Variants in ZBTB45 observed in about 807,000 individuals in gnomAD.
The protein encoded by ZBTB45 is zinc finger and BTB domain containing 45.
A neutral mutation model predicts 28.4 loss-of-function variants in ZBTB45; 22 were observed. The ratio of observed to expected loss-of-function variants is 0.77; its 90% CI spans 0.55 to 1.10. The LOEUF is 1.10. ZBTB45 is among the 50% of genes least tolerant of loss of function. The probability of loss-of-function intolerance (pLI) is 0.00; values close to 1 mark genes in which losing one functional copy is unlikely to be tolerated. For missense variants in ZBTB45, 656 were observed against 750.2 expected (o/e 0.87, Z 1.47); for synonymous variants, 361 against 332.3 (o/e 1.09, Z -0.94).
Position 58,514,255 on chromosome 19 carries a change from G to C in ZBTB45, c.1335C>G (p.Tyr445Ter). 6.2e-7 allele frequency: 1 copy of C among 1,611,744 alleles called. No individual in the cohort carries two copies. The highest frequency in any genetic ancestry group is 8.5e-7 in the Non-Finnish European group (1 of 1,179,046). Residue 445 changes from tyrosine to a stop codon, truncating the protein, a stop_gained, in exon 3 of 3, where the codon TAC (tyrosine) becomes TAG (stop). Coordinates refer to ENST00000594051, the MANE Select transcript of ZBTB45 (RefSeq NM_001316979.2). LOFTEE classifies it high-confidence loss of function. ...TGTGCGTGACCATGTGTTTGAGCAG[G>C]TAGTCGCGTAGAGAGAAGGATCGCC... The part of the protein sequence containing the change: ...VCWRSFSLRD[Y>*]LLKHMVTHTG...
chr19:58,530,209 GCACACA>G (rs111340524), intron 1 of ZBTB45, among the ~76,000 whole-genome samples: 4 of 148,616 alleles, frequency 2.7e-5, no homozygotes, highest in South Asian at 4.3e-4. Context: ...GAGAGCGCAT[GCACACA>G]CACACACACA....
At chr19:58,517,787 A>G (rs573050140) in intron 1 of ZBTB45, 114 bp from the exon 2 acceptor site, 2 of 955,030 alleles carry the variant, frequency 2.1e-6, no homozygotes, top group South Asian at 3.2e-5. Flanking sequence ...ACCACACTCC[A>G]AGGCGCGCTA....
chr19:58,532,566 G>C (rs1212619990), intron 1 of ZBTB45, among the ~76,000 whole-genome samples: 1 of 152,038 alleles, frequency 6.6e-6, no homozygotes, highest in Non-Finnish European at 1.5e-5. Context: ...TTTTTTTTGA[G>C]ATGGAGTTTC....
At chr19:58,533,252 G>C (rs985505279) in intron 1 of ZBTB45, among the ~76,000 whole-genome samples, 13 of 152,140 alleles carry the variant, frequency 8.5e-5, no homozygotes, top group Admixed American at 7.9e-4. Flanking sequence ...TTTCTTATGG[G>C]GCATTAGTCC....
At chr19:58,521,792 G>A (rs572225768), upstream of ZBTB45, among the ~76,000 whole-genome samples, 52 of 152,114 alleles carry the variant, frequency 3.4e-4, no homozygotes, top group Middle Eastern at 3.4e-3. Context: ...AGGCCCCTTC[G>A]TGATCTCATT....
intron 1 of ZBTB45, among the ~76,000 whole-genome samples, chr19:58,527,198 G>A (rs2053612568): frequency 6.6e-6 from 1 of 152,106 alleles, no homozygotes; most frequent in Non-Finnish European, 1.5e-5. Flanking sequence ...CGATGCCCTG[G>A]AGCGAGGAAT....
At chr19:58,531,968 C>G (rs1043963854) in intron 1 of ZBTB45, among the ~76,000 whole-genome samples, 13 of 152,110 alleles carry the variant, frequency 8.5e-5, no homozygotes, top group African/African-American at 2.9e-4. Flanking sequence ...CCCAGGAGCC[C>G]TGGTTCCTAT....
intron 1 of ZBTB45, among the ~76,000 whole-genome samples, chr19:58,529,009 G>A (rs1412987290): frequency 2.7e-5 from 4 of 150,332 alleles, no homozygotes; most frequent in African/African-American, 7.4e-5. Context: ...GCTTGAACCC[G>A]GGAGGCAGAG....
intron 1 of ZBTB45, chr19:58,519,083 T>C (rs1401834309): frequency 6.6e-6 from 1 of 152,610 alleles, no homozygotes; most frequent in Non-Finnish European, 1.5e-5. Flanking sequence ...TCTGCGCCCC[T>C]CGCCTCCCCT....
chr19:58,538,648 C>CTG (rs2053674333), intron 1 of ZBTB45: 1 of 152,206 alleles, frequency 6.6e-6, no homozygotes, highest in South Asian at 2.1e-4. Context: ...GAGCGGGGCC[C>CTG]GGGGAGGCAG....
chr19:58,533,229 C>T (rs2053643589), intron 1 of ZBTB45, among the ~76,000 whole-genome samples: 1 of 152,216 alleles, frequency 6.6e-6, no homozygotes, highest in Non-Finnish European at 1.5e-5. Flanking sequence ...GCCTTAGCCT[C>T]CCAAAGGCAT....
At chr19:58,524,494 C>A (rs536371067), upstream of ZBTB45, among the ~76,000 whole-genome samples, 1 of 144,624 alleles carries the variant, frequency 6.9e-6, no homozygotes, top group East Asian at 2.1e-4. Context: ...AAGACCTTAA[C>A]CCTGGTTGTG....
chr19:58,522,863 T>G (rs2053585874), upstream of ZBTB45, among the ~76,000 whole-genome samples: 2 of 152,032 alleles, frequency 1.3e-5, no homozygotes, highest in South Asian at 4.2e-4. Flanking sequence ...GTGGCAGGAT[T>G]GCAGTGTGTT....
At chr19:58,528,633 G>C (rs572572095) in intron 1 of ZBTB45, among the ~76,000 whole-genome samples, 1 of 152,098 alleles carries the variant, frequency 6.6e-6, no homozygotes, top group East Asian at 1.9e-4. Context: ...AGTGGCTCAC[G>C]CCTGTAATCC....
intron 1 of ZBTB45, among the ~76,000 whole-genome samples, chr19:58,518,453 G>A (rs1600061684): frequency 6.6e-6 from 1 of 152,112 alleles, no homozygotes; most frequent in East Asian, 1.9e-4. Flanking sequence ...GCAGGGAGGT[G>A]GCTCCTGCAG....
upstream of ZBTB45, among the ~76,000 whole-genome samples, chr19:58,521,383 AAGAAAG>A (rs1199880202): frequency 6.5e-5 from 8 of 122,452 alleles, 1 homozygote; most frequent in Non-Finnish European, 1.2e-4. Flanking sequence ...AAAAAAAAAA[AAGAAAG>A]AAAGAAAAGA....
At chr19:58,534,749 G>C (rs943439487) in intron 1 of ZBTB45, among the ~76,000 whole-genome samples, 3 of 151,934 alleles carry the variant, frequency 2.0e-5, no homozygotes, top group Non-Finnish European at 4.4e-5. Flanking sequence ...GTAGAGACAG[G>C]GTTTCACCAT....
intron 2 of ZBTB45, 124 bp from the exon 3 acceptor site, chr19:58,514,434 C>A (rs2053463306): frequency 8.1e-7 from 1 of 1,239,122 alleles, no homozygotes; most frequent in African/African-American, 1.5e-5. Flanking sequence ...CGAACCACCA[C>A]CCCGGGATCC....
upstream of ZBTB45, among the ~76,000 whole-genome samples, chr19:58,521,962 G>A (rs1464004722): frequency 6.6e-6 from 1 of 152,098 alleles, no homozygotes; most frequent in African/African-American, 2.4e-5. Flanking sequence ...CTGGGTGATT[G>A]TGTTGTAGAT....
Sources: allele counts gnomAD v4.1 joint callset (sites outside exome capture counted in the v4.1 genomes callset), GRCh38; gene constraint gnomAD v4.1.1; transcripts MANE v1.5; gene names NCBI Gene and HGNC (gene_info 2026-07-23, HGNC 2026-07-21).